DNAH14: variants seen among roughly 807,000 people sequenced by gnomAD.
The protein encoded by DNAH14 is dynein axonemal heavy chain 14, also known as axonemal beta dynein heavy chain 14.
A neutral mutation model predicts 520.9 loss-of-function variants in DNAH14; 478 were observed. That is an observed-to-expected ratio of 0.92 (90% CI 0.85 to 0.99). The LOEUF (loss-of-function observed/expected upper bound fraction) is 0.99, where lower values mean the gene tolerates loss of function less well. Ranked by LOEUF, DNAH14 falls within the 50% of genes least tolerant of loss-of-function variation. The probability of loss-of-function intolerance (pLI) is 0.00; values close to 1 mark genes in which losing one functional copy is unlikely to be tolerated. For missense variants in DNAH14, 4,831 were observed against 5,234.5 expected (o/e 0.92, Z 2.38); for synonymous variants, 1,581 against 1,757.2 (o/e 0.90, Z 2.51).
intron 43 of DNAH14, 108 bp downstream of exon 43, chr1:225,240,930 G>A: frequency 1.2e-6 from 1 of 855,178 alleles, no homozygotes; most frequent in African/African-American, 1.7e-5. Flanking sequence ...TAAGATTGAA[G>A]GAAAAAGAAG....
chr1:225,345,687 A>G (rs971961428), intron 69 of DNAH14, among the ~76,000 whole-genome samples: 5 of 152,310 alleles, frequency 3.3e-5, no homozygotes, highest in South Asian at 4.1e-4. Context: ...ATGGTTGCTT[A>G]TCATATGCCT....
chr1:225,358,449 C>T, intron 73 of DNAH14, 47 bp from the exon 74 acceptor site: 7 of 1,405,380 alleles, frequency 5.0e-6, no homozygotes, highest in East Asian at 2.5e-5. Flanking sequence ...GAATATCTCT[C>T]TGGGTGGCTT....
At chr1:225,329,293 G>A (rs924262725) in intron 64 of DNAH14, among the ~76,000 whole-genome samples, 2 of 152,164 alleles carry the variant, frequency 1.3e-5, no homozygotes, top group African/African-American at 4.8e-5. Context: ...TACAAAGGAT[G>A]TGAGTCAAAT....
intron 42 of DNAH14, among the ~76,000 whole-genome samples, chr1:225,239,472 G>A (rs779238392): frequency 1.3e-4 from 20 of 152,246 alleles, no homozygotes; most frequent in East Asian, 5.8e-4. Flanking sequence ...ACCATCACCC[G>A]ACTCTGCTTT....
chr1:225,162,445 A>C (rs2081609282), intron 35 of DNAH14, among the ~76,000 whole-genome samples: 2 of 152,072 alleles, frequency 1.3e-5, no homozygotes, highest in South Asian at 4.1e-4. Flanking sequence ...TATAGCTCTG[A>C]GGTATAATTT....
At chr1:225,344,312 A>C (rs539876531) in intron 69 of DNAH14, among the ~76,000 whole-genome samples, 7 of 151,334 alleles carry the variant, frequency 4.6e-5, no homozygotes, top group Non-Finnish European at 2.9e-5. Flanking sequence ...TGTTGTACAG[A>C]TTATGTCATC....
At chr1:225,024,189 G>T in intron 11 of DNAH14, 1 of 986,798 alleles carries the variant, frequency 1.0e-6, no homozygotes, top group African/African-American at 1.7e-5. Flanking sequence ...TTTTTTATTT[G>T]TTATATCTGG....
intron 35 of DNAH14, among the ~76,000 whole-genome samples, chr1:225,161,028 A>G (rs1215911933): frequency 6.6e-6 from 1 of 152,124 alleles, no homozygotes; most frequent in African/African-American, 2.4e-5. Context: ...TGCTTTAGTT[A>G]TATATACTGT....
At chr1:225,341,123 TTTAG>T (rs1367648334) in intron 69 of DNAH14, among the ~76,000 whole-genome samples, 1 of 152,160 alleles carries the variant, frequency 6.6e-6, no homozygotes, top group African/African-American at 2.4e-5. Flanking sequence ...TTTTATTTTT[TTTAG>T]ACAGTCTTAC....
At chr1:225,307,739 G>A (rs34392117) in intron 59 of DNAH14, among the ~76,000 whole-genome samples, 170 bp downstream of exon 59, 1 of 151,976 alleles carries the variant, frequency 6.6e-6, no homozygotes, top group Non-Finnish European at 1.5e-5. Flanking sequence ...TAGTTTATCT[G>A]TAAAATGAGA....
At chr1:225,085,509 A>C (rs761134316) in intron 20 of DNAH14, 35 bp from the exon 21 acceptor site, 4 of 1,500,968 alleles carry the variant, frequency 2.7e-6, no homozygotes, top group East Asian at 2.5e-5. Context: ...ATTATTTGCT[A>C]TACTGGATAC....
intron 37 of DNAH14, among the ~76,000 whole-genome samples, chr1:225,191,065 AT>A (rs150915660): frequency 6.6e-6 from 1 of 151,846 alleles, no homozygotes; most frequent in Non-Finnish European, 1.5e-5. Context: ...TTATGCATTT[AT>A]TTTTTTAATT....
At chr1:225,384,781 C>A (rs946191635) in intron 81 of DNAH14, among the ~76,000 whole-genome samples, 2 of 152,146 alleles carry the variant, frequency 1.3e-5, no homozygotes, top group Non-Finnish European at 2.9e-5. Context: ...AGATTCACAG[C>A]CAAATTCTAC....
rs967629913 is a variant in DNAH14 at position 225,204,130 on chromosome 1, G to C, written c.5887-53G>C. The C allele has an allele frequency of 4.2e-6, 4 of 941,654 alleles. No individual in the cohort carries two copies. In the African/African-American group the frequency reaches 7.0e-5, roughly 16 times the overall value. 58.3% of individuals were successfully genotyped at this position (941,654 alleles called of 1,614,324 possible). On this transcript the variant is annotated intron_variant, in intron 38 of 85. Transcript: ENST00000682510. ...GCATATTGACATATAATCCATTGTA[G>C]TTGAAAAGTGTTATTAAATAAAAAT...
intron 23 of DNAH14, among the ~76,000 whole-genome samples, chr1:225,108,008 A>C (rs1186867169): frequency 6.6e-6 from 1 of 152,176 alleles, no homozygotes; most frequent in Non-Finnish European, 1.5e-5. Context: ...TTGTTGCCGA[A>C]GGAGATTAAC....
intron 38 of DNAH14, among the ~76,000 whole-genome samples, chr1:225,202,087 G>A (rs1195121363): frequency 6.6e-6 from 1 of 152,062 alleles, no homozygotes; most frequent in Non-Finnish European, 1.5e-5. Context: ...TGTTGGCCAG[G>A]CTGATCTCAA....
Position 225,269,494 on chromosome 1 carries a change from G to A in DNAH14, c.7540-1241G>A, listed in dbSNP as rs367702984. Among the ~76,000 whole-genome samples the A allele has an allele frequency of 5.0e-3, 763 of 152,126 alleles. 6 individuals are homozygous for A. Among genetic ancestry groups the A allele is most frequent in the African/African-American group, 0.017 (717 of 41,490 alleles). On this transcript the variant is annotated intron_variant, in intron 49 of 85. Coordinates refer to ENST00000682510, the MANE Select transcript of DNAH14 (RefSeq NM_001367479.1). ...ATTGACAAATGGGATCTAATTAAAC[G>A]AAAGAGCTTCTGCACAGCAAAAGAA... is the stretch of plus-strand genomic sequence containing the variant.
At chr1:225,009,370 C>T (rs1453786526) in intron 10 of DNAH14, among the ~76,000 whole-genome samples, 1 of 152,080 alleles carries the variant, frequency 6.6e-6, no homozygotes, top group African/African-American at 2.4e-5. Context: ...GAATCCTTTC[C>T]CCATTTCTTG....
intron 15 of DNAH14, among the ~76,000 whole-genome samples, chr1:225,048,278 A>T (rs2068145960): frequency 6.6e-6 from 1 of 152,210 alleles, no homozygotes. Context: ...AGGTGGGTGG[A>T]TCACATGAGC....
Sources: gnomAD v4.1 joint callset for allele counts (sites outside exome capture counted in the v4.1 genomes callset) on GRCh38, gnomAD v4.1.1 for gene constraint, MANE v1.5 for transcripts, NCBI Gene and HGNC (gene_info 2026-07-23, HGNC 2026-07-21) for gene names.